The following DNAH11 variants were observed in gnomAD, a reference collection of about 807,000 sequenced individuals.
DNAH11 encodes the protein axonemal beta dynein heavy chain 11.
In DNAH11, 442 loss-of-function variants were observed where a neutral mutation model predicts 526.0. That is an observed-to-expected ratio of 0.84 (90% CI 0.78 to 0.91). The LOEUF is 0.91. Among genes scored for constraint, DNAH11 ranks in the 40% least tolerant of loss-of-function variants. DNAH11 has a pLI of 0.00. For synonymous variants in DNAH11, 2,461 were observed against 1,935.9 expected (o/e 1.27, Z -7.12); for missense variants, 6,989 against 5,448.7 (o/e 1.28, Z -8.90).
At chr7:21,900,873 G>C in intron 81 of DNAH11, 134 bp from the exon 82 acceptor site, 2 of 1,435,422 alleles carry the variant, frequency 1.4e-6, no homozygotes, top group Non-Finnish European at 1.9e-6. Context: ...GGCCAGCTCA[G>C]TAAAAATACC....
chr7:21,564,682 CAT>C (rs1178692758), intron 6 of DNAH11, among the ~76,000 whole-genome samples: 3 of 152,182 alleles, frequency 2.0e-5, no homozygotes, highest in Non-Finnish European at 4.4e-5. Flanking sequence ...AAAAGACAGA[CAT>C]GTGTAGTACC....
At chr7:21,765,611 C>G (rs1022488885) in intron 55 of DNAH11, 22 bp downstream of exon 55, 1 of 290,822 alleles carries the variant, frequency 3.4e-6, no homozygotes, top group African/African-American at 5.1e-4. Flanking sequence ...CAGCCTGCGT[C>G]ACACACACAC....
chr7:21,816,850 A>C (rs1789818641), intron 64 of DNAH11, 148 bp downstream of exon 64: 1 of 679,928 alleles, frequency 1.5e-6, no homozygotes, highest in East Asian at 2.7e-5. Flanking sequence ...TTCATGTTTC[A>C]TATAAAGTAT....
At chr7:21,714,701 A>G (rs761289344) in intron 42 of DNAH11, among the ~76,000 whole-genome samples, 3 of 152,208 alleles carry the variant, frequency 2.0e-5, no homozygotes, top group South Asian at 2.1e-4. Context: ...AGGTAGTACA[A>G]TGCGCAGCCA....
At chr7:21,629,994 T>A in intron 25 of DNAH11, among the ~76,000 whole-genome samples, 1 of 152,156 alleles carries the variant, frequency 6.6e-6, no homozygotes, top group Admixed American at 6.5e-5. Flanking sequence ...TCTTTTTTAC[T>A]TTTTTACTGC....
intron 2 of DNAH11, among the ~76,000 whole-genome samples, chr7:21,553,126 A>G (rs1032071674): frequency 1.4e-5 from 1 of 71,084 alleles, no homozygotes; most frequent in East Asian, 3.5e-4. Flanking sequence ...TTTTAGTTTA[A>G]TTTGTAAGGG....
In DNAH11 at chr7:21,707,715, A is replaced by G; in HGVS notation, c.6563A>G (p.Asn2188Ser). 2 of 1,613,188 alleles carry G rather than the reference A, an allele frequency of 1.2e-6. No individual in the cohort carries two copies. Among genetic ancestry groups the G allele is most frequent in the Non-Finnish European group, 1.7e-6 (2 of 1,179,506 alleles). ...TGKSKILRTL[N>S]RTYVNMKQKP... The stretch of plus-strand genomic sequence containing the variant: ...TCCCCTCAGATTTTGAGAACACTGA[A>G]CCGAACATATGTTAACATGAAACAG... The change falls in exon 40 of 82, where the codon AAC (asparagine) becomes AGC (serine). Residue 2188 changes from asparagine to serine, a missense_variant. By Grantham distance (46) the Asn-to-Ser change is conservative. Coordinates refer to ENST00000409508, the MANE Select transcript of DNAH11 (RefSeq NM_001277115.2).
At chr7:21,743,807 C>A (rs551654669) in intron 49 of DNAH11, among the ~76,000 whole-genome samples, 1 of 152,194 alleles carries the variant, frequency 6.6e-6, no homozygotes, top group Non-Finnish European at 1.5e-5. Context: ...TCAGCTGCAC[C>A]TGACACTACC....
chr7:21,786,691 T>C lies in DNAH11; in HGVS notation c.9665T>C (p.Val3222Ala), dbSNP rs769477190. Residue 3222 changes from valine to alanine, a missense_variant, in exon 59 of 82, where the codon GTG becomes GCG. Coordinates refer to ENST00000409508, the MANE Select transcript of DNAH11 (RefSeq NM_001277115.2). ...GCAGTTACCAATGTTACTGCAGCCG[T>C]GATGGTCCTTCTGGCTCCTCGGGGA... ...PIAVTNVTAA[V>A]MVLLAPRGRV... is the part of the protein sequence containing the mutation. 1.2e-5 allele frequency: 20 copies of C among 1,613,836 alleles called. No homozygotes were observed. The South Asian group carries it at 2.1e-4, about 17-fold the overall frequency.
intron 73 of DNAH11, among the ~76,000 whole-genome samples, chr7:21,870,724 C>T (rs575960713): frequency 1.3e-5 from 2 of 152,244 alleles, no homozygotes; most frequent in Non-Finnish European, 2.9e-5. Context: ...TAAATTTTAA[C>T]ATAAAAAAAA....
In DNAH11 at chr7:21,894,327, C is replaced by G. The variant is rs4484586; in HGVS notation, c.12751-296C>G. On this transcript the variant is annotated intron_variant, in intron 77 of 81. Coordinates refer to ENST00000409508, the MANE Select transcript of DNAH11 (RefSeq NM_001277115.2). ...GTAGCTGATGACAGTTCTATACTCC[C>G]TAAATGTTAAGTGAGTAAACTGCAA... 0.13 allele frequency among the ~76,000 whole-genome samples: 19,875 copies of G among 152,264 alleles called. 1,568 individuals are homozygous for G. The highest frequency in any genetic ancestry group is 0.34 in the East Asian group (1,744 of 5,178).
chr7:21,726,768 GGA>G (rs1199113842), intron 45 of DNAH11, among the ~76,000 whole-genome samples: 1 of 143,568 alleles, frequency 7.0e-6, no homozygotes, highest in Non-Finnish European at 1.5e-5. Flanking sequence ...GTCTGAGGCA[GGA>G]GAGTCGCTTG....
At chr7:21,854,223 TTTTCA>T (rs1782745068) in intron 67 of DNAH11, 87 bp from the exon 68 acceptor site, 1 of 1,403,276 alleles carries the variant, frequency 7.1e-7, no homozygotes, top group Non-Finnish European at 9.6e-7. Context: ...TACTCATAAT[TTTTCA>T]TTTCAGGTAC....
At chr7:21,596,607 C>G (rs969902674) in intron 14 of DNAH11, among the ~76,000 whole-genome samples, 1 of 152,070 alleles carries the variant, frequency 6.6e-6, no homozygotes, top group African/African-American at 2.4e-5. Context: ...ATGTACTCCC[C>G]AAACTCTAAG....
At chr7:21,831,878 G>T (rs1286626303) in intron 65 of DNAH11, among the ~76,000 whole-genome samples, 1 of 152,102 alleles carries the variant, frequency 6.6e-6, no homozygotes, top group African/African-American at 2.4e-5. Flanking sequence ...ATCACCTGAG[G>T]TCAGGATTTG....
chr7:21,697,204 A>C (rs538255436), intron 35 of DNAH11, among the ~76,000 whole-genome samples: 11 of 152,274 alleles, frequency 7.2e-5, no homozygotes, highest in East Asian at 5.8e-4. Context: ...CCTTCTTTGC[A>C]CTTGACTTCA....
rs114268241 is a variant in DNAH11 at position 21,597,258 on chromosome 7, G to T, written c.2668-2529G>T. Among the ~76,000 whole-genome samples the T allele has an allele frequency of 2.6e-3, 398 of 152,202 alleles. 2 individuals carry two copies. The highest frequency in any genetic ancestry group is 9.1e-3 in the African/African-American group (379 of 41,536). ...GTAGTGAGGTAAACTGGATCTCTTG[G>T]TATGAAAAAGTGTGTATGACCGTGA... On this transcript the variant is annotated intron_variant, in intron 14 of 81. Transcript: ENST00000409508.
rs765970017 is a variant in DNAH11 at position 21,710,621 on chromosome 7, A to T, written c.6752A>T (p.Asp2251Val). Reference protein sequence around the residue: ...ILREQANLKHDGPKWIVLDGD... With the variant: ...ILREQANLKHVGPKWIVLDGD... ...CGAGAACAAGCAAATCTTAAGCATG[A>T]TGGACCAAAATGGATAGTCCTGGAT... The change falls in exon 41 of 82, where the codon GAT becomes GTT. Residue 2251 changes from aspartate to valine, a missense_variant. By Grantham distance (152) the Asp-to-Val change is radical. Coordinates refer to ENST00000409508, the MANE Select transcript of DNAH11 (RefSeq NM_001277115.2). 1 of 1,613,382 alleles carries T rather than the reference A, an allele frequency of 6.2e-7. No individual in the cohort carries two copies. Among genetic ancestry groups the T allele is most frequent in the Admixed American group, 1.7e-5 (1 of 59,918 alleles).
intron 6 of DNAH11, among the ~76,000 whole-genome samples, chr7:21,565,703 G>T (rs780887879): frequency 6.6e-6 from 1 of 152,164 alleles, no homozygotes; most frequent in Non-Finnish European, 1.5e-5. Context: ...TCTATCAGTG[G>T]GGATAATGCC....
Sources: gnomAD v4.1 joint callset for allele counts (sites outside exome capture counted in the v4.1 genomes callset) on GRCh38, gnomAD v4.1.1 for gene constraint, MANE v1.5 for transcripts, NCBI Gene and HGNC (gene_info 2026-07-23, HGNC 2026-07-21) for gene names.